OPRM1: variants seen among roughly 807,000 people sequenced by gnomAD.
OPRM1 encodes opioid receptor mu 1.
Under a neutral mutation model 31.8 loss-of-function variants are expected in OPRM1, and 27 were observed. That is an observed-to-expected ratio of 0.85 (90% CI 0.63 to 1.17). The LOEUF is 1.17. OPRM1 is among the 50% of genes most tolerant of loss of function. The probability of loss-of-function intolerance (pLI) is 0.00; values close to 1 mark genes in which losing one functional copy is unlikely to be tolerated. For synonymous variants in OPRM1, 196 were observed against 189.9 expected (o/e 1.03, Z -0.26); for missense variants, 536 against 511.1 (o/e 1.05, Z -0.47).
rs1562560427 is a variant in OPRM1 at position 154,238,929 on chromosome 6, T to TAA, written c.1165-7764_1165-7763insAA. Among the ~76,000 whole-genome samples the TAA allele has an allele frequency of 7.1e-3, 1,077 of 151,770 alleles. 11 individuals carry two copies. The highest frequency in any genetic ancestry group is 0.024 in the African/African-American group (995 of 41,334). On this transcript the variant is annotated intron_variant, in intron 3 of 3. Coordinates refer to the OPRM1 transcript ENST00000337049. ...GTTGGATTCTATATTGTTGTTTTTT[T>TAA]TAAAAAAAAAAAGAAGTTGTGGAAA... is the stretch of plus-strand genomic sequence containing the variant.
chr6:154,110,886 CAAAAAAAAAAA>C lies in OPRM1; in HGVS notation c.1165-7784_1165-7774del, dbSNP rs374739553. On this transcript the variant is annotated intron_variant, in intron 3 of 3. Transcript: ENST00000330432. ...TGGGCGACAAAGCGAGACTCCGTCT[CAAAAAAAAAAA>C]AAAAAAAAAAAAGAGAGAATTAGGA... 8.5e-4 allele frequency among the ~76,000 whole-genome samples: 54 copies of C among 63,612 alleles called. 4 individuals are homozygous for C. In the South Asian group the frequency reaches 0.045, roughly 53 times the overall value. 41.7% of individuals were successfully genotyped at this position (63,612 alleles called of 152,430 possible). A position where few individuals can be genotyped will look rare whatever the true frequency, so the allele number is the denominator to read the frequency against.
At chr6:154,136,802 T>A (rs1199635082), downstream of OPRM1, among the ~76,000 whole-genome samples, 1 of 152,164 alleles carries the variant, frequency 6.6e-6, no homozygotes, top group Non-Finnish European at 1.5e-5. Context: ...TGCCAACATG[T>A]GACTTGCAAA....
chr6:154,118,853 T>G lies in OPRM1; in HGVS notation c.*132T>G, dbSNP rs1797145156. 3 of 1,509,766 alleles carry G rather than the reference T, an allele frequency of 2.0e-6. No homozygotes were observed. The Admixed American group carries it at 6.6e-5, about 33-fold the overall frequency. The allele number at this position is 1,509,766 out of a possible 1,614,324, so 93.5% of individuals were successfully genotyped here. ...CCTGCTTTTAGGTCATCCAACCTCT[T>G]TCCTCTCTGGCCACTCTGCTCTGCA... On this transcript the variant is annotated 3_prime_UTR_variant, in exon 4 of 4. Transcript: ENST00000330432.
intron 1 of OPRM1, among the ~76,000 whole-genome samples, chr6:154,062,944 C>T (rs1271456905): frequency 6.6e-6 from 1 of 151,936 alleles, no homozygotes; most frequent in African/African-American, 2.4e-5. Flanking sequence ...GCAATGAGAA[C>T]ATCCTTATTT....
rs649840 is a variant in OPRM1, at chr6:154,130,677, A to C, written c.*11956A>C. Among the ~76,000 whole-genome samples, 126,188 of 151,764 alleles carry C rather than the reference A, an allele frequency of 0.83. 53,377 individuals are homozygous for C. Among genetic ancestry groups the C allele is most frequent in the East Asian group, 0.98 (5,086 of 5,174 alleles). On this transcript the variant is annotated 3_prime_UTR_variant, in exon 4 of 4. Coordinates refer to ENST00000330432, the MANE Select transcript of OPRM1 (RefSeq NM_000914.5). ...AATTGTATATCCATATAAAAGCATT[A>C]GTACCATTATATGAAAGTATATATG... is the stretch of plus-strand genomic sequence containing the variant.
intron 1 of OPRM1, among the ~76,000 whole-genome samples, chr6:154,070,654 TG>T: frequency 6.6e-6 from 1 of 152,246 alleles, no homozygotes; most frequent in Non-Finnish European, 1.5e-5. Context: ...TTATGGAAAT[TG>T]GGACTCAGCA....
At chr6:154,103,250 G>A (rs1318311402) in intron 3 of OPRM1, among the ~76,000 whole-genome samples, 1 of 152,072 alleles carries the variant, frequency 6.6e-6, no homozygotes, top group Non-Finnish European at 1.5e-5. Context: ...AAGTTTAATG[G>A]GAATATTGTA....
intron 3 of OPRM1, among the ~76,000 whole-genome samples, chr6:154,200,500 C>A (rs1020305873): frequency 2.0e-5 from 3 of 152,174 alleles, no homozygotes; most frequent in African/African-American, 7.2e-5. Context: ...ACAGGCAGAT[C>A]ACCTGAGGCC....
chr6:154,201,203 C>G (rs1298713280), intron 3 of OPRM1, among the ~76,000 whole-genome samples: 1 of 152,190 alleles, frequency 6.6e-6, no homozygotes, highest in Non-Finnish European at 1.5e-5. Flanking sequence ...TACCCAGTCT[C>G]TGATAGTTCT....
chr6:154,100,854 A>G (rs973645369), intron 3 of OPRM1, among the ~76,000 whole-genome samples: 2 of 149,708 alleles, frequency 1.3e-5, no homozygotes, highest in African/African-American at 4.9e-5. Flanking sequence ...AAGGTTAAAA[A>G]ATATATATTT....
intron 3 of OPRM1, among the ~76,000 whole-genome samples, chr6:154,175,061 C>A (rs1431276567): frequency 6.6e-6 from 1 of 152,184 alleles, no homozygotes; most frequent in African/African-American, 2.4e-5. Context: ...ACAACCTGCT[C>A]CTGAATGACT....
chr6:154,086,902 T>C (rs1157793697), intron 1 of OPRM1: 1 of 984,108 alleles, frequency 1.0e-6, no homozygotes, highest in Non-Finnish European at 1.2e-6. Context: ...TAAAAAATGT[T>C]TCAACTTCTT....
At chr6:154,242,887 C>CAAAGAAAAGAAAAGA (rs10692865) in intron 3 of OPRM1, among the ~76,000 whole-genome samples, 1 of 151,462 alleles carries the variant, frequency 6.6e-6, no homozygotes, top group Non-Finnish European at 1.5e-5. Flanking sequence ...GACTCCGTCT[C>CAAAGAAAAGAAAAGA]AAAGAAAAGA....
upstream of OPRM1, among the ~76,000 whole-genome samples, chr6:154,034,187 A>T (rs1402774059): frequency 2.6e-5 from 4 of 152,216 alleles, no homozygotes; most frequent in African/African-American, 9.7e-5. Context: ...AGAAAAGCGC[A>T]TGTTGCCTGT....
intron 3 of OPRM1, among the ~76,000 whole-genome samples, chr6:154,238,084 G>C (rs2128633226): frequency 6.6e-6 from 1 of 152,200 alleles, no homozygotes; most frequent in Admixed American, 6.5e-5. Flanking sequence ...TGATGTTGTG[G>C]ATATACATGT....
chr6:154,028,468 G>A (rs573966436), intron 1 of OPRM1, among the ~76,000 whole-genome samples: 178 of 152,284 alleles, frequency 1.2e-3, no homozygotes, highest in African/African-American at 3.6e-3. Context: ...CCAGCTCTCC[G>A]TTAGCCACCA....
At chr6:154,153,554 G>A (rs1798600861) in intron 3 of OPRM1, among the ~76,000 whole-genome samples, 1 of 152,038 alleles carries the variant, frequency 6.6e-6, no homozygotes, top group African/African-American at 2.4e-5. Flanking sequence ...GAGTGATGAC[G>A]GGTGCCTGTA....
At chr6:154,174,964 C>T (rs1239178771) in intron 3 of OPRM1, among the ~76,000 whole-genome samples, 1 of 152,154 alleles carries the variant, frequency 6.6e-6, no homozygotes, top group Non-Finnish European at 1.5e-5. Flanking sequence ...GAAATCACAA[C>T]AAACTGTCTC....
intron 1 of OPRM1, among the ~76,000 whole-genome samples, chr6:154,067,071 G>A (rs1010821207): frequency 1.3e-5 from 2 of 151,870 alleles, no homozygotes; most frequent in Non-Finnish European, 2.9e-5. Flanking sequence ...TTTGTTATTA[G>A]CCAATCTAGT....
Sources: allele counts gnomAD v4.1 joint callset (sites outside exome capture counted in the v4.1 genomes callset), GRCh38; gene constraint gnomAD v4.1.1; transcripts MANE v1.5; gene names NCBI Gene and HGNC (gene_info 2026-07-23, HGNC 2026-07-21).